ZNF114: variants seen among roughly 807,000 people sequenced by gnomAD.
The protein encoded by ZNF114 is zinc finger protein 114.
ZNF114 carries 8 observed loss-of-function variants against 6.8 expected under a neutral mutation model. That is an observed-to-expected ratio of 1.18 (90% CI 0.69 to 2.13). The LOEUF (loss-of-function observed/expected upper bound fraction) is 2.13, where lower values mean the gene tolerates loss of function less well. Among genes scored for constraint, ZNF114 ranks in the 30% most tolerant of loss-of-function variants. The pLI is 0.00. For synonymous variants in ZNF114, 169 were observed against 185.5 expected, an observed-to-expected ratio of 0.91 and a Z score of 0.72; for missense variants, 472 against 519.5, an observed-to-expected ratio of 0.91 and a Z score of 0.89.
In ZNF114 at chr19:48,287,120, T is replaced by C. The variant is rs1968152612; in HGVS notation, c.*242T>C. On this transcript the variant is annotated 3_prime_UTR_variant, in exon 6 of 6. Coordinates refer to ENST00000595607, the MANE Select transcript of ZNF114 (RefSeq NM_153608.4). ...AGAAACTGCGAATCTAAAAGGAATA[T>C]GACAAAGCCTTCAGCGTGGTCTCAA... 2.9e-6 allele frequency: 1 copy of C among 341,664 alleles called. No homozygotes were observed. The allele number at this position is 341,664 out of a possible 1,614,324, so 21.2% of individuals were successfully genotyped here. A position where few individuals can be genotyped will look rare whatever the true frequency, so the allele number is the denominator to read the frequency against.
intron 5 of ZNF114, among the ~76,000 whole-genome samples, chr19:48,283,174 C>G (rs1309153321): frequency 6.6e-6 from 1 of 152,124 alleles, no homozygotes; most frequent in Admixed American, 6.6e-5. Context: ...CTCTACCACC[C>G]CCAGCTAATG....
At chr19:48,274,147 TGTGA>T (rs1007917531) in intron 3 of ZNF114, among the ~76,000 whole-genome samples, 84 of 151,648 alleles carry the variant, frequency 5.5e-4, no homozygotes, top group African/African-American at 1.5e-3. Context: ...TATATTTATG[TGTGA>T]GTGTCTATAT....
rs1304026895 is a variant in ZNF114 at position 48,282,542 on chromosome 19, G to A, written c.136+45G>A. The A allele has an allele frequency of 1.9e-6, 3 of 1,573,934 alleles. No individual in the cohort carries two copies. The African/African-American group carries it at 4.1e-5, about 21-fold the overall frequency. On this transcript the variant is annotated intron_variant, in intron 5 of 5. Coordinates refer to ENST00000595607, the MANE Select transcript of ZNF114 (RefSeq NM_153608.4). Reference sequence around the variant, plus strand: ...GCACTTAGTCCGTGATGGGACCAGTGCTGGTTTGGAACCGTGTTCTGGGAA... The same window carrying A: ...GCACTTAGTCCGTGATGGGACCAGTACTGGTTTGGAACCGTGTTCTGGGAA...
chr19:48,273,933 A>G (rs1480729894), intron 3 of ZNF114, among the ~76,000 whole-genome samples: 1 of 151,016 alleles, frequency 6.6e-6, no homozygotes, highest in African/African-American at 2.4e-5. Flanking sequence ...AATTTTTTGT[A>G]TTTTTAGTAG....
intron 4 of ZNF114, chr19:48,281,597 G>A (rs980320418): frequency 2.0e-5 from 3 of 150,600 alleles, no homozygotes; most frequent in East Asian, 1.9e-4. Flanking sequence ...GAGGATCATA[G>A]CTTATTGCAA....
chr19:48,282,211 A>T, intron 4 of ZNF114, 160 bp from the exon 5 acceptor site: 1 of 993,562 alleles, frequency 1.0e-6, no homozygotes, highest in Non-Finnish European at 1.5e-6. Context: ...ACCTCATCTT[A>T]ATTCATTGAC....
intron 3 of ZNF114, among the ~76,000 whole-genome samples, chr19:48,277,703 A>G (rs1472041322): frequency 6.6e-6 from 1 of 151,830 alleles, no homozygotes; most frequent in Non-Finnish European, 1.5e-5. Flanking sequence ...TTCTGTTCCC[A>G]GATCAGCCAT....
chr19:48,280,551 T>C (rs1316168640), intron 4 of ZNF114, among the ~76,000 whole-genome samples: 4 of 136,674 alleles, frequency 2.9e-5, no homozygotes, highest in Non-Finnish European at 4.7e-5. Flanking sequence ...CTCCAAATTT[T>C]TTTTTTTTTT....
chr19:48,277,028 C>G (rs1462099183), intron 3 of ZNF114, among the ~76,000 whole-genome samples: 1 of 151,974 alleles, frequency 6.6e-6, no homozygotes, highest in Non-Finnish European at 1.5e-5. Context: ...CGTGGTGGCC[C>G]AAGCCTGTAA....
chr19:48,286,381 T>C lies in ZNF114; in HGVS notation c.757T>C (p.Cys253Arg). Residue 253 changes from cysteine (C) to arginine (R), a missense_variant, in exon 6 of 6, where the codon TGC becomes CGC. Physicochemically the swap from Cys to Arg is radical, Grantham distance 180. Coordinates refer to ENST00000595607, the MANE Select transcript of ZNF114 (RefSeq NM_153608.4). ...AGAGAAAATGTATGATTTTACTCAG[T>C]GCGAGAACACCTCCAGAAATAACTC... ...GREKMYDFTQ[C>R]ENTSRNNSIH... The C allele has an allele frequency of 1.2e-6, 2 of 1,614,190 alleles. No homozygotes were observed. The highest frequency in any genetic ancestry group is 1.7e-6 in the Non-Finnish European group (2 of 1,180,048).
At chr19:48,280,548 T>A (rs1349510862) in intron 4 of ZNF114, among the ~76,000 whole-genome samples, 1 of 64,582 alleles carries the variant, frequency 1.5e-5, no homozygotes, top group Admixed American at 1.4e-4. Flanking sequence ...CCACTCCAAA[T>A]TTTTTTTTTT....
intron 4 of ZNF114, chr19:48,282,146 C>T: frequency 2.7e-6 from 1 of 376,692 alleles, no homozygotes; most frequent in Non-Finnish European, 4.8e-6. Context: ...GATCCACCTG[C>T]CTCAGCCTCC....
At chr19:48,276,726 G>T (rs1024690829) in intron 3 of ZNF114, among the ~76,000 whole-genome samples, 2 of 152,148 alleles carry the variant, frequency 1.3e-5, no homozygotes, top group Non-Finnish European at 2.9e-5. Flanking sequence ...GCCTCGCTAT[G>T]TTGCCCAGGG....
intron 3 of ZNF114, among the ~76,000 whole-genome samples, chr19:48,273,757 CTTTT>C (rs779316334): frequency 2.4e-5 from 3 of 127,124 alleles, no homozygotes; most frequent in African/African-American, 3.0e-5. Flanking sequence ...TGGGGCTTTT[CTTTT>C]TTTTTTTTTT....
intron 3 of ZNF114, among the ~76,000 whole-genome samples, chr19:48,276,625 G>C (rs1600838767): frequency 6.6e-6 from 1 of 152,284 alleles, no homozygotes; most frequent in Non-Finnish European, 1.5e-5. Context: ...GGGCTCAAAT[G>C]ATCTTCCCAC....
chr19:48,274,698 G>C (rs951309693), intron 3 of ZNF114, among the ~76,000 whole-genome samples: 4 of 151,666 alleles, frequency 2.6e-5, no homozygotes, highest in Non-Finnish European at 5.9e-5. Flanking sequence ...TAGTGATGGG[G>C]TTTCTCCATG....
chr19:48,282,316 A>G lies in ZNF114; in HGVS notation c.10-55A>G, dbSNP rs539004167. ...CTTTTTCTGTGGAGAAAGGGGTCAC[A>G]GTTCAAACTGATAACAGGACACCCC... On this transcript the variant is annotated intron_variant, in intron 4 of 5. Transcript: ENST00000595607. 1,356 of 1,605,882 alleles carry G rather than the reference A, an allele frequency of 8.4e-4. 1 individual carries two copies. The highest frequency in any genetic ancestry group is 1.1e-3 in the Non-Finnish European group (1,309 of 1,176,164).
Position 48,282,395 on chromosome 19 carries a change from G to C in ZNF114, c.34G>C (p.Ala12Pro). 6.2e-7 allele frequency: 1 copy of C among 1,613,270 alleles called. No homozygotes were observed. The highest frequency in any genetic ancestry group is 1.3e-5 in the African/African-American group (1 of 74,972). ...GGACTCGGTGACCTTCGCAGACGTG[G>C]CTGTGAACTTCACCAAAGAGGAGTG... ...SQDSVTFADV[A>P]VNFTKEEWTL... The change falls in exon 5 of 6, where the codon GCT becomes CCT. Residue 12 changes from alanine to proline, a missense_variant. Physicochemically the swap from Ala to Pro is conservative, Grantham distance 27. Coordinates refer to ENST00000595607, the MANE Select transcript of ZNF114 (RefSeq NM_153608.4).
At chr19:48,272,627 T>G (rs1256137370) in intron 3 of ZNF114, among the ~76,000 whole-genome samples, 4 of 112,698 alleles carry the variant, frequency 3.5e-5, no homozygotes, top group African/African-American at 1.5e-4. Context: ...TGAGCCGAGA[T>G]CGTGCCACTG....
Sources: gnomAD v4.1 joint callset for allele counts (sites outside exome capture counted in the v4.1 genomes callset) on GRCh38, gnomAD v4.1.1 for gene constraint, MANE v1.5 for transcripts, NCBI Gene and HGNC (gene_info 2026-07-23, HGNC 2026-07-21) for gene names.